EP400: variants seen among roughly 807,000 people sequenced by gnomAD.
EP400 encodes the protein E1A-binding protein p400.
Under a neutral mutation model 354.1 loss-of-function variants are expected in EP400, and 105 were observed. The observed-to-expected ratio is 0.30, with a 90% confidence interval of 0.25 to 0.35. The LOEUF (loss-of-function observed/expected upper bound fraction) is 0.35, where lower values mean the gene tolerates loss of function less well. Among genes scored for constraint, EP400 ranks in the 10% least tolerant of loss-of-function variants. The probability of loss-of-function intolerance (pLI) is 1.00; values close to 1 mark genes in which losing one functional copy is unlikely to be tolerated. For synonymous variants in EP400, 1,646 were observed against 1,716.9 expected (o/e 0.96, Z 1.02); for missense variants, 3,280 against 4,121.0 (o/e 0.80, Z 5.59).
At position 132,006,216 on chromosome 12, in the gene EP400, G is replaced by C; in HGVS notation, c.3040G>C (p.Gly1014Arg). ...CAAAGCTGCCGAGAGGATGAATATC[G>C]GGAAGCCAAACGCCAAGGACATTGC... is the stretch of plus-strand genomic sequence containing the variant. ...QFKAAERMNI[G>R]KPNAKDIADV... is the part of the protein sequence containing the mutation. Residue 1014 changes from glycine to arginine, a missense_variant, in exon 14 of 53, where the codon GGG becomes CGG. By Grantham distance (125) the Gly-to-Arg change is moderately radical. This residue lies in a region of EP400 where 800 missense variants were observed against 840.0 expected (regional missense o/e 0.95). Transcript: ENST00000389561. 6.2e-7 allele frequency: 1 copy of C among 1,614,182 alleles called. No individual in the cohort carries two copies. The highest frequency in any genetic ancestry group is 8.5e-7 in the Non-Finnish European group (1 of 1,180,040).
At chr12:132,034,560 G>A (rs934858574) in intron 30 of EP400, among the ~76,000 whole-genome samples, 6 of 152,220 alleles carry the variant, frequency 3.9e-5, no homozygotes, top group African/African-American at 1.4e-4. Context: ...GTTGCGGGTG[G>A]GAGTGTGCCC....
At position 132,021,128 on chromosome 12, in the gene EP400, A is replaced by G; in HGVS notation, c.4497A>G (p.Arg1499=). The G allele has an allele frequency of 2.5e-6, 4 of 1,600,198 alleles. No homozygotes were observed. Among genetic ancestry groups the G allele is most frequent in the African/African-American group, 1.3e-5 (1 of 75,004 alleles). The change falls in exon 23 of 53, where the codon CGA becomes CGG. Residue 1499 remains arginine, a synonymous_variant. Transcript: ENST00000389561. The part of the protein sequence containing the change: ...QTSQASASAP[R]HQPASASSTA... ...CTCAGGCTTCCGCCAGTGCTCCACG[A>G]CACCAGCCCGCCTCGGCCTCCAGCA... is the stretch of plus-strand genomic sequence containing the variant.
At chr12:131,952,159 C>A (rs1018924934) in intron 1 of EP400, among the ~76,000 whole-genome samples, 1 of 149,742 alleles carries the variant, frequency 6.7e-6, no homozygotes, top group Non-Finnish European at 1.5e-5. Flanking sequence ...AAAAATTAAT[C>A]GGGCGTGGTG....
Position 132,062,172 on chromosome 12 carries a change from C to T in EP400, c.7947C>T (p.Gly2649=). The T allele has an allele frequency of 6.2e-7, 1 of 1,614,064 alleles. No individual in the cohort carries two copies. Among genetic ancestry groups the T allele is most frequent in the Non-Finnish European group, 8.5e-7 (1 of 1,179,974 alleles). ...VHTQPPPRAV[G]SPATATPDLV... ...CCCAGCCCCCGCCACGGGCAGTCGG[C>T]TCCCCAGCCACGGCGACCCCTGACC... is the stretch of plus-strand genomic sequence containing the variant. The change falls in exon 46 of 53, where the codon GGC becomes GGT. Residue 2649 remains glycine, a synonymous_variant. Transcript: ENST00000389561.
intron 2 of EP400, among the ~76,000 whole-genome samples, chr12:131,978,619 C>G (rs549453444): frequency 6.6e-6 from 1 of 152,176 alleles, no homozygotes. Context: ...AACTCTTGGG[C>G]TCAAGACTCC....
chr12:131,972,595 A>G (rs1292981501), intron 2 of EP400, among the ~76,000 whole-genome samples: 2 of 152,152 alleles, frequency 1.3e-5, no homozygotes, highest in East Asian at 1.9e-4. Context: ...GGGGTGTTGC[A>G]TATAAAATAC....
intron 2 of EP400, among the ~76,000 whole-genome samples, chr12:131,977,237 C>T (rs970892823): frequency 1.2e-4 from 18 of 152,028 alleles, no homozygotes; most frequent in African/African-American, 1.7e-4. Context: ...CCCGGGTTCA[C>T]GCCATTTTCC....
At chr12:132,048,519 ATTTT>A (rs35268260) in intron 39 of EP400, among the ~76,000 whole-genome samples, 1 of 133,594 alleles carries the variant, frequency 7.5e-6, no homozygotes, top group African/African-American at 2.8e-5. Context: ...TTTGAGAGTG[ATTTT>A]TTTTTTTTTT....
In EP400 at chr12:132,047,585, C is replaced by A. The variant is rs1895149365; in HGVS notation, c.7200+1685C>A. 2.0e-5 allele frequency among the ~76,000 whole-genome samples: 3 copies of A among 152,144 alleles called. No individual in the cohort carries two copies. The South Asian group carries it at 6.2e-4, about 31-fold the overall frequency. Reference sequence around the variant, plus strand: ...GAGTGTATGAATAGGGTGTGGGTCACAGAGATCACATGCTTCACAAGGTAA... The same window carrying A: ...GAGTGTATGAATAGGGTGTGGGTCAAAGAGATCACATGCTTCACAAGGTAA... On this transcript the variant is annotated intron_variant, in intron 39 of 52. Transcript: ENST00000389561.
intron 2 of EP400, among the ~76,000 whole-genome samples, chr12:131,973,250 G>A (rs1892359125): frequency 6.6e-6 from 1 of 152,178 alleles, no homozygotes; most frequent in Non-Finnish European, 1.5e-5. Flanking sequence ...TCTTAGGAGT[G>A]ACACTAGTGA....
At chr12:132,043,506 G>C (rs769027297) in intron 33 of EP400, 44 bp downstream of exon 33, 2 of 1,595,648 alleles carry the variant, frequency 1.3e-6, no homozygotes, top group Admixed American at 3.6e-5. Flanking sequence ...TTAAAAATTT[G>C]ACGCTTCTAT....
At chr12:131,968,457 CTAT>C (rs1301818562) in intron 2 of EP400, among the ~76,000 whole-genome samples, 1 of 152,230 alleles carries the variant, frequency 6.6e-6, no homozygotes, top group East Asian at 1.9e-4. Flanking sequence ...CAGTGTCACA[CTAT>C]TGTGATTACT....
rs1449887479 is a variant in EP400 at position 132,025,564 on chromosome 12, T to C, written c.4856-82T>C. 1 of 1,374,752 alleles carries C rather than the reference T, an allele frequency of 7.3e-7. No individual in the cohort carries two copies. Among genetic ancestry groups the C allele is most frequent in the African/African-American group, 1.5e-5 (1 of 67,624 alleles). The allele number at this position is 1,374,752 out of a possible 1,614,324, so 85.2% of individuals were successfully genotyped here. ...GATTTTCAGTTTGTCAACTTATTTT[T>C]GTACTGTTTGGAAGTGCCTGGAGTG... On this transcript the variant is annotated intron_variant, in intron 24 of 52. Transcript: ENST00000389561. This position sits in a 1 kb window ranked among gnomAD's most constrained non-coding sequence, Gnocchi z 4.1.
intron 1 of EP400, among the ~76,000 whole-genome samples, chr12:131,951,404 A>C (rs1276286609): frequency 6.6e-6 from 1 of 150,914 alleles, no homozygotes; most frequent in African/African-American, 2.4e-5. Context: ...GCTGGTCTCG[A>C]ACTCCTGACC....
chr12:131,957,014 G>A (rs753856518), intron 1 of EP400, among the ~76,000 whole-genome samples: 87 of 151,778 alleles, frequency 5.7e-4, no homozygotes, highest in Admixed American at 2.8e-3. Context: ...TGGGATTACA[G>A]GCATGTGCCA....
intron 51 of EP400, among the ~76,000 whole-genome samples, chr12:132,073,621 T>A (rs1408953913): frequency 6.6e-6 from 1 of 151,696 alleles, no homozygotes; most frequent in Admixed American, 6.6e-5. Flanking sequence ...GCCCAGCTAA[T>A]TTTTGTATTT....
chr12:132,015,216 T>G (rs909982273), intron 19 of EP400, among the ~76,000 whole-genome samples: 1 of 152,230 alleles, frequency 6.6e-6, no homozygotes. Context: ...AATGACACAG[T>G]ACAACCGTCC....
intron 45 of EP400, among the ~76,000 whole-genome samples, chr12:132,058,314 T>C (rs1201195315): frequency 6.6e-6 from 1 of 151,704 alleles, no homozygotes; most frequent in African/African-American, 2.4e-5. Flanking sequence ...ATATTGAGGC[T>C]AGATTGTACT....
chr12:132,020,219 GT>G lies in EP400; in HGVS notation c.4447+2del. The G allele has an allele frequency of 6.3e-7, 1 of 1,599,100 alleles. No individual in the cohort carries two copies. The highest frequency in any genetic ancestry group is 8.5e-7 in the Non-Finnish European group (1 of 1,172,982). Reference sequence around the variant, plus strand: ...TTCTCTGCCAATCCGGAGGCAAAAGGTAGACTTCACGTAGTTGTCTGCTCTC... The same window carrying G: ...TTCTCTGCCAATCCGGAGGCAAAAGGAGACTTCACGTAGTTGTCTGCTCTC... On this transcript the variant is annotated splice_donor_variant, in intron 22 of 52. Transcript: ENST00000389561. LOFTEE classifies it high-confidence loss of function.
Sources: allele counts gnomAD v4.1 joint callset (sites outside exome capture counted in the v4.1 genomes callset), GRCh38; gene constraint gnomAD v4.1.1; regional missense constraint gnomAD v4.1.1; non-coding constraint Gnocchi (gnomAD v3.1); transcripts MANE v1.5; gene names NCBI Gene and HGNC (gene_info 2026-07-23, HGNC 2026-07-21).